The following HOXA3 variants were observed in gnomAD, a reference collection of about 807,000 sequenced individuals.
HOXA3 encodes homeobox A3, also known as homeobox protein Hox-A3.
In HOXA3, 8 loss-of-function variants were observed where a neutral mutation model predicts 30.3. The observed-to-expected ratio is 0.26, with a 90% CI of 0.15 to 0.48. The LOEUF is 0.48. HOXA3 is among the 20% of genes least tolerant of loss of function. The pLI is 0.99. For missense variants in HOXA3, 653 were observed against 614.4 expected (o/e 1.06, Z -0.66); for synonymous variants, 323 against 273.1 (o/e 1.18, Z -1.80).
intron 1 of HOXA3, chr7:27,142,612 C>T (rs1423414576): frequency 1.6e-5 from 3 of 193,434 alleles, no homozygotes; most frequent in African/African-American, 2.3e-5. Flanking sequence ...GATTCTTTCC[C>T]CCAAGCCCCT....
chr7:27,125,197 G>A (rs1421668556), intron 3 of HOXA3, among the ~76,000 whole-genome samples: 1 of 152,228 alleles, frequency 6.6e-6, no homozygotes, highest in Non-Finnish European at 1.5e-5. Flanking sequence ...GAGACTAAAG[G>A]TTGCATTCCA....
chr7:27,123,732 T>C (rs889131722), intron 3 of HOXA3: 2 of 152,296 alleles, frequency 1.3e-5, no homozygotes, highest in African/African-American at 4.8e-5. Context: ...GGATATCAAA[T>C]AGCTGAGGAG....
At chr7:27,119,445 T>C (rs1583384570) in intron 4 of HOXA3, 3 of 152,166 alleles carry the variant, frequency 2.0e-5, no homozygotes, top group Admixed American at 6.5e-5. Context: ...AATAAGCTGC[T>C]CCCACCCTTG....
chr7:27,108,362 C>A lies in HOXA3; in HGVS notation c.885G>T (p.Pro295=). The change falls in exon 6 of 6, where the codon CCG becomes CCT. Residue 295 remains proline, a synonymous_variant. Coordinates refer to ENST00000612286, the MANE Select transcript of HOXA3 (RefSeq NM_153631.3). This position sits in a 1 kb window ranked among gnomAD's most constrained non-coding sequence, Gnocchi z 5.0. ...TACCCTGGGGGGGCTTGGAGAAGGG[C>A]GGGGGCGACTGGGGCTCATACGGGA... ...NSVPYEPQSP[P]PFSKPPQGTY... 6.5e-7 allele frequency: 1 copy of A among 1,537,832 alleles called. No individual in the cohort carries two copies. Among genetic ancestry groups the A allele is most frequent in the Non-Finnish European group, 8.8e-7 (1 of 1,133,312 alleles).
At chr7:27,140,781 C>T (rs1782539696) in intron 1 of HOXA3, among the ~76,000 whole-genome samples, 1 of 152,278 alleles carries the variant, frequency 6.6e-6, no homozygotes, top group Middle Eastern at 3.4e-3. Flanking sequence ...CTTGCTCTTT[C>T]TCTCTTTTTT....
At chr7:27,112,393 T>C (rs1176727242) in intron 4 of HOXA3, among the ~76,000 whole-genome samples, 2 of 152,236 alleles carry the variant, frequency 1.3e-5, no homozygotes, top group African/African-American at 4.8e-5. Flanking sequence ...TTGTTGATAA[T>C]GGACTCCTTT....
In HOXA3 at chr7:27,152,483, C is replaced by T. The variant is rs181042387; in HGVS notation, c.-689G>A. The T allele has an allele frequency of 9.6e-4, 1,117 of 1,166,380 alleles. 35 individuals are homozygous for T. In the Admixed American group the frequency reaches 0.043, roughly 45 times the overall value. The allele number at this position is 1,166,380 out of a possible 1,614,324, so 72.3% of individuals were successfully genotyped here. ...CGGGAGCCGCCAGGCCTGGCCTGGC[C>T]GGGGCTTCCCTTCGCTCGCCATCTC... On this transcript the variant is annotated 5_prime_UTR_variant, in exon 1 of 6. Transcript: ENST00000612286.
rs555323386 is a variant in HOXA3 at position 27,110,981 on chromosome 7, G to A, written c.-120-221C>T. Among the ~76,000 whole-genome samples, 3 of 145,086 alleles carry A rather than the reference G, an allele frequency of 2.1e-5. No individual in the cohort carries two copies. The South Asian group carries it at 7.0e-4, about 34-fold the overall frequency. On this transcript the variant is annotated intron_variant, in intron 4 of 5. Transcript: ENST00000612286. ...GCGTCTGGAGTTGGGGGATTTTCCG[G>A]GGAGAAGGAGAATGAGTGAGGGCTG...
chr7:27,147,909 G>A (rs1782834762), intron 1 of HOXA3: 3 of 669,278 alleles, frequency 4.5e-6, no homozygotes, highest in East Asian at 5.5e-5. Flanking sequence ...GGGAGCGAAC[G>A]CCGGAGCCCG....
intron 2 of HOXA3, chr7:27,130,852 C>G (rs1447648575): frequency 4.9e-6 from 5 of 1,024,818 alleles, no homozygotes; most frequent in Non-Finnish European, 7.3e-6. Flanking sequence ...CCCTTCCCCT[C>G]CCCCCGCTGT....
intron 4 of HOXA3, among the ~76,000 whole-genome samples, chr7:27,114,152 G>A (rs994747826): frequency 6.6e-6 from 1 of 151,650 alleles, no homozygotes; most frequent in African/African-American, 2.4e-5. Context: ...AGGGAGAAGG[G>A]GAGCTCGGCG....
chr7:27,111,240 T>C (rs10261039), intron 4 of HOXA3, among the ~76,000 whole-genome samples: 9 of 152,306 alleles, frequency 5.9e-5, no homozygotes, highest in Middle Eastern at 6.8e-3. Flanking sequence ...TTAGGACTGA[T>C]GTTTGCCAAA....
At chr7:27,129,629 AAGG>A (rs1188139068) in intron 2 of HOXA3, 15 of 1,587,612 alleles carry the variant, frequency 9.4e-6, no homozygotes, top group South Asian at 5.5e-5. Context: ...AAGAGAGGGA[AAGG>A]AGGAGGAGAG....
chr7:27,149,079 G>T (rs1297672309), intron 1 of HOXA3, among the ~76,000 whole-genome samples: 1 of 152,220 alleles, frequency 6.6e-6, no homozygotes, highest in African/African-American at 2.4e-5. Context: ...GCTGTCCCAG[G>T]CCTGGCGGTC....
chr7:27,152,192 C>A (rs1386477155), intron 1 of HOXA3, 96 bp downstream of exon 1: 1 of 612,478 alleles, frequency 1.6e-6, no homozygotes, highest in African/African-American at 2.0e-5. Context: ...GGGAGTATGC[C>A]CCTCTTAAAG....
intron 4 of HOXA3, among the ~76,000 whole-genome samples, chr7:27,119,318 T>A (rs1438358434): frequency 1.3e-5 from 2 of 151,874 alleles, no homozygotes; most frequent in African/African-American, 4.8e-5. Context: ...CCACACAAGT[T>A]CCTATAGAGA....
chr7:27,140,001 C>CAGAGAGAGAGAGAGAGAGAGAGAGAGAG lies in HOXA3; in HGVS notation c.-390+54_-390+81dup, dbSNP rs56225492. The CAGAGAGAGAGAGAGAGAGAGAGAGAGAG allele has an allele frequency of 2.9e-3, 412 of 142,336 alleles. 7 individuals carry two copies. The highest frequency in any genetic ancestry group is 6.4e-3 in the African/African-American group (232 of 36,220). The allele number at this position is 142,336 out of a possible 1,614,324, so 8.8% of individuals were successfully genotyped here. On this transcript the variant is annotated intron_variant, in intron 2 of 5. Transcript: ENST00000612286. ...TCAGAGGCAGCCTGAGTTATTGAAC[C>CAGAGAGAGAGAGAGAGAGAGAGAGAGAG]AGAGAGAGAGAGAGAGAGAGAGAGA...
intron 4 of HOXA3, among the ~76,000 whole-genome samples, chr7:27,119,784 G>A (rs1784913535): frequency 6.6e-6 from 1 of 152,152 alleles, no homozygotes. Flanking sequence ...TTCATGGGTT[G>A]TCCAAATCAG....
At chr7:27,124,283 C>G (rs886172152) in intron 3 of HOXA3, 1 of 152,184 alleles carries the variant, frequency 6.6e-6, no homozygotes, top group African/African-American at 2.4e-5. Flanking sequence ...TTATGAACGC[C>G]GGGAAAATTG....
Sources: allele counts gnomAD v4.1 joint callset (sites outside exome capture counted in the v4.1 genomes callset), GRCh38; gene constraint gnomAD v4.1.1; non-coding constraint Gnocchi (gnomAD v3.1); transcripts MANE v1.5; gene names NCBI Gene and HGNC (gene_info 2026-07-23, HGNC 2026-07-21).